The following ARMC2 variants were observed in gnomAD, a reference collection of about 807,000 sequenced individuals.
ARMC2 encodes the protein armadillo repeat containing 2.
In ARMC2, 67 loss-of-function variants were observed where a neutral mutation model predicts 90.3. The observed-to-expected ratio is 0.74, with a 90% CI of 0.61 to 0.91. ARMC2 has a LOEUF of 0.91. ARMC2 is among the 40% of genes least tolerant of loss of function. ARMC2 has a pLI of 0.00. For missense variants in ARMC2, 920 were observed against 1,030.9 expected (o/e 0.89, Z 1.47); for synonymous variants, 393 against 393.0 (o/e 1.00, Z 0.00).
At chr6:108,988,864 GAAAC>G in the ARMC2 span, among the ~76,000 whole-genome samples, 1 of 152,298 alleles carries the variant, frequency 6.6e-6, no homozygotes, top group South Asian at 2.1e-4. Flanking sequence ...AAAGGGATAA[GAAAC>G]AGAGTACTTA....
At chr6:109,002,724 G>C in the ARMC2 span, among the ~76,000 whole-genome samples, 1 of 152,102 alleles carries the variant, frequency 6.6e-6, no homozygotes, top group Non-Finnish European at 1.5e-5. Context: ...TGCATCGTCA[G>C]AAAATGAAAA....
chr6:108,972,058 A>G (rs1285278066), intron 17 of ARMC2, among the ~76,000 whole-genome samples: 1 of 152,342 alleles, frequency 6.6e-6, no homozygotes, highest in Non-Finnish European at 1.5e-5. Context: ...TTGGCAGGTC[A>G]GTGCACTTTT....
At chr6:108,958,351 G>T (rs958892145) in intron 13 of ARMC2, among the ~76,000 whole-genome samples, 1 of 152,188 alleles carries the variant, frequency 6.6e-6, no homozygotes, top group Non-Finnish European at 1.5e-5. Context: ...ATTATTGTGG[G>T]TGTGAATTCT....
At chr6:108,867,564 C>G (rs1040113085) in intron 3 of ARMC2, among the ~76,000 whole-genome samples, 3 of 151,852 alleles carry the variant, frequency 2.0e-5, no homozygotes, top group African/African-American at 7.3e-5. Flanking sequence ...GTCAGGAGTT[C>G]GCGACCAGTC....
chr6:108,890,585 A>G (rs1583026672), intron 5 of ARMC2, among the ~76,000 whole-genome samples: 1 of 152,126 alleles, frequency 6.6e-6, no homozygotes, highest in East Asian at 1.9e-4. Context: ...ATTAATGATG[A>G]GGAAACCAAA....
At chr6:109,024,879 A>C in the ARMC2 span, among the ~76,000 whole-genome samples, 1 of 152,248 alleles carries the variant, frequency 6.6e-6, no homozygotes, top group Non-Finnish European at 1.5e-5. Context: ...ACAATTGTTA[A>C]GTGGAACTAT....
intron 3 of ARMC2, among the ~76,000 whole-genome samples, chr6:108,864,494 G>T (rs1775607176): frequency 6.6e-6 from 1 of 152,150 alleles, no homozygotes; most frequent in African/African-American, 2.4e-5. Context: ...TGATCCACCT[G>T]CCTTGGCCTC....
intron 13 of ARMC2, among the ~76,000 whole-genome samples, chr6:108,955,926 TG>T (rs1434409726): frequency 1.3e-5 from 2 of 152,226 alleles, no homozygotes; most frequent in African/African-American, 4.8e-5. Context: ...ATACCCTTTT[TG>T]GTTTCTGGCC....
intron 4 of ARMC2, among the ~76,000 whole-genome samples, chr6:108,869,863 C>T (rs1205268484): frequency 6.6e-6 from 1 of 152,010 alleles, no homozygotes; most frequent in Non-Finnish European, 1.5e-5. Context: ...TGGAAAAGGA[C>T]CCAGAAGTGG....
intron 10 of ARMC2, among the ~76,000 whole-genome samples, chr6:108,926,254 T>G (rs1775094080): frequency 6.6e-6 from 1 of 152,204 alleles, no homozygotes; most frequent in African/African-American, 2.4e-5. Flanking sequence ...CAGGCATCTG[T>G]ACTCTTCCGT....
intron 5 of ARMC2, among the ~76,000 whole-genome samples, chr6:108,891,321 T>C (rs967954676): frequency 2.0e-5 from 3 of 152,214 alleles, no homozygotes; most frequent in Non-Finnish European, 2.9e-5. Context: ...CTTGAGGAAT[T>C]GCCACACTGT....
the ARMC2 span, among the ~76,000 whole-genome samples, chr6:108,985,307 G>A: frequency 6.6e-6 from 1 of 152,026 alleles, no homozygotes; most frequent in Non-Finnish European, 1.5e-5. Flanking sequence ...TTTAACTCTT[G>A]AATCCTGGGA....
the ARMC2 span, among the ~76,000 whole-genome samples, chr6:109,045,028 A>G: frequency 6.6e-6 from 1 of 152,032 alleles, no homozygotes; most frequent in Non-Finnish European, 1.5e-5. Context: ...CATTTCAAAA[A>G]AAAAAAAGCT....
At position 108,953,220 on chromosome 6, in the gene ARMC2, G is replaced by A. The variant is rs1321895517; in HGVS notation, c.1784G>A (p.Arg595Lys). Residue 595 changes from arginine (R) to lysine (K), a missense_variant, in exon 13 of 18, where the codon AGG (arginine) becomes AAG (lysine). Coordinates refer to ENST00000392644, the MANE Select transcript of ARMC2 (RefSeq NM_032131.6). ...GQRGEQHRAQ[R>K]PPSEAEDVLI... is the part of the protein sequence containing the mutation. ...CGAGGCGAGCAGCACAGGGCGCAGAGGCCGCCGTCAGAGGCAGAGGACGTG... is the reference window on the plus strand; with the variant it reads ...CGAGGCGAGCAGCACAGGGCGCAGAAGCCGCCGTCAGAGGCAGAGGACGTG... The A allele has an allele frequency of 6.2e-7, 1 of 1,613,880 alleles. No individual in the cohort carries two copies. Among genetic ancestry groups the A allele is most frequent in the Admixed American group, 1.7e-5 (1 of 60,016 alleles).
the ARMC2 span, among the ~76,000 whole-genome samples, chr6:109,026,923 C>G: frequency 1.8e-4 from 27 of 152,228 alleles, no homozygotes; most frequent in South Asian, 5.4e-3. Flanking sequence ...CCTGTAATCC[C>G]AGCACTTCAG....
chr6:109,040,952 C>G, the ARMC2 span, among the ~76,000 whole-genome samples: 1 of 151,798 alleles, frequency 6.6e-6, no homozygotes, highest in Non-Finnish European at 1.5e-5. Flanking sequence ...GCACCTGGCC[C>G]AAACTAGCAT....
intron 3 of ARMC2, among the ~76,000 whole-genome samples, chr6:108,864,940 C>G (rs1775661979): frequency 2.6e-5 from 4 of 151,716 alleles, no homozygotes; most frequent in Admixed American, 2.6e-4. Context: ...TGATTATACT[C>G]AAGTCATGGG....
chr6:108,997,481 G>C, the ARMC2 span, among the ~76,000 whole-genome samples: 1 of 152,098 alleles, frequency 6.6e-6, no homozygotes, highest in Non-Finnish European at 1.5e-5. Flanking sequence ...GATCAACCTT[G>C]GGAAAATTAT....
the ARMC2 span, among the ~76,000 whole-genome samples, chr6:109,019,457 G>A: frequency 6.6e-6 from 1 of 152,194 alleles, no homozygotes; most frequent in East Asian, 1.9e-4. Context: ...AACAGTTCAT[G>A]TTTCTCTACT....
Sources: allele counts gnomAD v4.1 joint callset (sites outside exome capture counted in the v4.1 genomes callset), GRCh38; gene constraint gnomAD v4.1.1; transcripts MANE v1.5; gene names NCBI Gene and HGNC (gene_info 2026-07-23, HGNC 2026-07-21).